NUP210L: variants seen among roughly 807,000 people sequenced by gnomAD.
The protein encoded by NUP210L is nuclear pore membrane glycoprotein 210-like.
In NUP210L, 74 loss-of-function variants were observed where a neutral mutation model predicts 208.5. That is an observed-to-expected ratio of 0.35 (90% CI 0.29 to 0.43). NUP210L has a LOEUF of 0.43. Ranked by LOEUF, NUP210L falls within the 20% of genes least tolerant of loss-of-function variation. NUP210L has a pLI of 1.00. For missense variants in NUP210L, 1,843 were observed against 2,289.4 expected, an observed-to-expected ratio of 0.81 and a Z score of 3.98; for synonymous variants, 780 against 816.9, an observed-to-expected ratio of 0.95 and a Z score of 0.77.
intron 2 of NUP210L, among the ~76,000 whole-genome samples, chr1:154,145,596 A>G (rs1422101129): frequency 6.6e-6 from 1 of 152,188 alleles, no homozygotes; most frequent in Non-Finnish European, 1.5e-5. Flanking sequence ...ATTACTTTAT[A>G]TAGACAACAG....
intron 32 of NUP210L, among the ~76,000 whole-genome samples, chr1:154,021,782 A>G (rs779575859): frequency 3.3e-5 from 5 of 152,308 alleles, no homozygotes; most frequent in African/African-American, 4.8e-5. Context: ...CTCTTGATCA[A>G]TATTACTGGC....
Position 154,110,997 on chromosome 1 carries a change from T to TG in NUP210L, c.1620+6727dup, listed in dbSNP as rs1657013232. 2.7e-5 allele frequency among the ~76,000 whole-genome samples: 4 copies of TG among 147,294 alleles called. No homozygotes were observed. The South Asian group carries it at 8.5e-4, about 31-fold the overall frequency. ...AAAAAAATACAAAAGATCAACAAAA[T>TG]GAAGAGTTGGTTTTTTGAAAAGATA... On this transcript the variant is annotated intron_variant, in intron 12 of 39. Coordinates refer to ENST00000368559, the Ensembl canonical transcript of NUP210L.
At chr1:154,030,380 C>T (rs1208466088) in intron 27 of NUP210L, among the ~76,000 whole-genome samples, 1 of 152,054 alleles carries the variant, frequency 6.6e-6, no homozygotes, top group Non-Finnish European at 1.5e-5. Flanking sequence ...TCACTGCAGC[C>T]TCGACCTCCC....
intron 3 of NUP210L, among the ~76,000 whole-genome samples, chr1:154,141,968 C>G (rs1400894009): frequency 6.6e-6 from 1 of 152,168 alleles, no homozygotes; most frequent in East Asian, 1.9e-4. Flanking sequence ...TTGAGACCAA[C>G]CTGGGCAACA....
intron 13 of NUP210L, among the ~76,000 whole-genome samples, chr1:154,103,447 C>T (rs1016563960): frequency 2.0e-5 from 3 of 150,028 alleles, no homozygotes; most frequent in Non-Finnish European, 4.4e-5. Flanking sequence ...CCGAGGCGGG[C>T]GGATCACGAG....
At chr1:154,048,837 T>C (rs1309096143) in intron 25 of NUP210L, among the ~76,000 whole-genome samples, 3 of 152,164 alleles carry the variant, frequency 2.0e-5, no homozygotes, top group Non-Finnish European at 4.4e-5. Flanking sequence ...TTGATTCATA[T>C]TACAGTGGGG....
At chr1:154,087,219 A>G (rs1021131464) in intron 16 of NUP210L, among the ~76,000 whole-genome samples, 3 of 149,902 alleles carry the variant, frequency 2.0e-5, no homozygotes, top group Admixed American at 6.7e-5. Context: ...ACTCAGGAGG[A>G]TGAGGCAAGA....
intron 17 of NUP210L, among the ~76,000 whole-genome samples, chr1:154,062,932 A>G (rs1333464935): frequency 6.6e-6 from 1 of 152,094 alleles, no homozygotes; most frequent in Non-Finnish European, 1.5e-5. Context: ...CACTTAGGTC[A>G]GTTTTAATTT....
intron 1 of NUP210L, among the ~76,000 whole-genome samples, chr1:154,153,545 AGT>A (rs1659510789): frequency 6.6e-6 from 1 of 152,238 alleles, no homozygotes; most frequent in African/African-American, 2.4e-5. Context: ...CCTGACTTCA[AGT>A]GATCTGCCTG....
At chr1:154,008,721 CA>C (rs1336665885) in intron 35 of NUP210L, among the ~76,000 whole-genome samples, 1 of 150,386 alleles carries the variant, frequency 6.6e-6, no homozygotes, top group Non-Finnish European at 1.5e-5. Context: ...CAAAACAAAA[CA>C]AAAAAACAAA....
At chr1:153,993,209 A>T (rs1223141245) in intron 38 of NUP210L, 120 bp from the exon 39 acceptor site, 2 of 627,626 alleles carry the variant, frequency 3.2e-6, no homozygotes, top group East Asian at 6.0e-5. Context: ...TAGTAATGGC[A>T]CTATTACAGG....
chr1:154,002,584 C>T (rs183450955), intron 35 of NUP210L, among the ~76,000 whole-genome samples: 3 of 151,754 alleles, frequency 2.0e-5, no homozygotes, highest in Non-Finnish European at 2.9e-5. Flanking sequence ...GAGATCACAC[C>T]ACTGCATTCC....
At chr1:154,069,032 T>C (rs1009862390) in intron 17 of NUP210L, among the ~76,000 whole-genome samples, 2 of 152,130 alleles carry the variant, frequency 1.3e-5, no homozygotes, top group Non-Finnish European at 1.5e-5. Context: ...TTACGCCTTA[T>C]ACAAAAATTA....
At chr1:154,001,702 T>G in intron 36 of NUP210L, 33 bp downstream of exon 36, 1 of 1,603,338 alleles carries the variant, frequency 6.2e-7, no homozygotes, top group Non-Finnish European at 8.5e-7. Context: ...ATTCCTGATC[T>G]CTTGTTCTGT....
intron 2 of NUP210L, among the ~76,000 whole-genome samples, chr1:154,150,555 C>T (rs1251579146): frequency 6.6e-6 from 1 of 151,750 alleles, no homozygotes; most frequent in African/African-American, 2.4e-5. Context: ...TGGTGAAACA[C>T]CATCTCTACT....
At chr1:154,098,337 C>A (rs530795736) in intron 14 of NUP210L, among the ~76,000 whole-genome samples, 1 of 152,194 alleles carries the variant, frequency 6.6e-6, no homozygotes, top group Non-Finnish European at 1.5e-5. Context: ...TCACCCACAA[C>A]GTGGTGAGCA....
intron 12 of NUP210L, among the ~76,000 whole-genome samples, chr1:154,107,271 C>A (rs1331353537): frequency 2.0e-5 from 3 of 150,788 alleles, no homozygotes; most frequent in Non-Finnish European, 3.0e-5. Context: ...ATCAGGAGAT[C>A]GAGACCATCC....
In NUP210L at chr1:154,029,881, G is replaced by A. The variant is rs774983696; in HGVS notation, c.3855+15C>T. 15 of 1,589,642 alleles carry A rather than the reference G, an allele frequency of 9.4e-6. No individual in the cohort carries two copies. The African/African-American group carries it at 1.4e-4, about 14-fold the overall frequency. On this transcript the variant is annotated intron_variant, in intron 28 of 39. Transcript: ENST00000368559. ...CCTTAATATACGAAAATAAGATTTA[G>A]ATTTGGAAGCTTACCAGGATCTGTA...
chr1:154,073,980 T>C (rs1654911062), intron 16 of NUP210L, among the ~76,000 whole-genome samples: 2 of 151,830 alleles, frequency 1.3e-5, no homozygotes, highest in Non-Finnish European at 1.5e-5. Flanking sequence ...ATTAACACCA[T>C]AGAATTTGGC....
Sources: allele counts gnomAD v4.1 joint callset (sites outside exome capture counted in the v4.1 genomes callset), GRCh38; gene constraint gnomAD v4.1.1; transcripts MANE v1.5; gene names NCBI Gene and HGNC (gene_info 2026-07-23, HGNC 2026-07-21).